NMI: variants seen among roughly 807,000 people sequenced by gnomAD.
NMI encodes the protein N-myc and STAT interactor, also known as N-myc-interactor.
NMI carries 39 observed loss-of-function variants against 34.3 expected under a neutral mutation model. That is an observed-to-expected ratio of 1.14 (90% CI 0.88 to 1.49). The LOEUF (loss-of-function observed/expected upper bound fraction) is 1.49, where lower values mean the gene tolerates loss of function less well. Ranked by LOEUF, NMI falls within the 40% of genes most tolerant of loss-of-function variation. The pLI is 0.00. For synonymous variants in NMI, 113 were observed against 120.3 expected (o/e 0.94, Z 0.40); for missense variants, 339 against 358.1 (o/e 0.95, Z 0.43).
chr2:151,279,344 C>A (rs289830), intron 3 of NMI, among the ~76,000 whole-genome samples: 24,348 of 152,058 alleles, frequency 0.16, 2,419 homozygotes, highest in African/African-American at 0.27. Flanking sequence ...AATAGACTAT[C>A]TCAAAAGGAA....
At chr2:151,281,452 G>A (rs745827752) in intron 3 of NMI, among the ~76,000 whole-genome samples, 4 of 152,132 alleles carry the variant, frequency 2.6e-5, no homozygotes, top group Non-Finnish European at 5.9e-5. Context: ...AAAAATGCAT[G>A]TATCATTAAG....
At chr2:151,275,141 C>T (rs902856336) in intron 6 of NMI, among the ~76,000 whole-genome samples, 59 of 152,186 alleles carry the variant, frequency 3.9e-4, no homozygotes, top group African/African-American at 1.3e-3. Context: ...TGCCACCATG[C>T]CTGGCTAATT....
At chr2:151,279,681 A>AC (rs1055804427) in intron 3 of NMI, among the ~76,000 whole-genome samples, 3 of 152,018 alleles carry the variant, frequency 2.0e-5, no homozygotes, top group Non-Finnish European at 4.4e-5. Flanking sequence ...ACAGGGTTTC[A>AC]CCACGTTGGC....
intron 1 of NMI, among the ~76,000 whole-genome samples, chr2:151,284,442 G>T (rs1683460254): frequency 6.6e-6 from 1 of 152,162 alleles, no homozygotes; most frequent in South Asian, 2.1e-4. Flanking sequence ...GGGACTACAG[G>T]TATGTGCCAC....
rs535353680 is a variant in NMI at position 151,288,626 on chromosome 2, G to A, written c.-7+967C>T. Among the ~76,000 whole-genome samples, 196 of 152,184 alleles carry A rather than the reference G, an allele frequency of 1.3e-3. 1 individual carries two copies. Among genetic ancestry groups the A allele is most frequent in the African/African-American group, 4.6e-3 (190 of 41,514 alleles). On this transcript the variant is annotated intron_variant, in intron 1 of 7. Coordinates refer to ENST00000243346, the MANE Select transcript of NMI (RefSeq NM_004688.3). ...GTTCCTATGTGTTTAAGCCACTAAAGCCATGTAATTTGTTATGGCAGCGAA... is the reference window on the plus strand; with the variant it reads ...GTTCCTATGTGTTTAAGCCACTAAAACCATGTAATTTGTTATGGCAGCGAA...
intron 6 of NMI, among the ~76,000 whole-genome samples, chr2:151,272,731 A>G (rs1683209591): frequency 6.6e-6 from 1 of 152,224 alleles, no homozygotes; most frequent in Non-Finnish European, 1.5e-5. Context: ...ACACACACAC[A>G]CAGAGAATAT....
At chr2:151,271,273 G>A (rs898392735) in intron 7 of NMI, among the ~76,000 whole-genome samples, 6 of 152,148 alleles carry the variant, frequency 3.9e-5, no homozygotes, top group Non-Finnish European at 8.8e-5. Context: ...AAAGGGAGCA[G>A]GTCTGGGGTA....
chr2:151,287,444 T>C (rs1293318171), intron 1 of NMI, among the ~76,000 whole-genome samples: 1 of 152,074 alleles, frequency 6.6e-6, no homozygotes, highest in Non-Finnish European at 1.5e-5. Context: ...TCCAACTCAC[T>C]TTCCCGTCCT....
chr2:151,279,776 C>A lies in NMI; in HGVS notation c.178-786G>T, dbSNP rs115959965. On this transcript the variant is annotated intron_variant, in intron 3 of 7. Transcript: ENST00000243346. ...CAGGCGTGAGCCACCACACCTGGCC[C>A]AGAATTAGATGATGTTAAATTTATC... 3.9e-3 allele frequency among the ~76,000 whole-genome samples: 590 copies of A among 152,172 alleles called. 4 individuals carry two copies. The highest frequency in any genetic ancestry group is 0.014 in the African/African-American group (565 of 41,514).
chr2:151,289,277 G>C (rs755228887), intron 1 of NMI, among the ~76,000 whole-genome samples: 19 of 125,286 alleles, frequency 1.5e-4, no homozygotes, highest in Non-Finnish European at 2.7e-4. Flanking sequence ...AAAAAAAAAA[G>C]AGAGAAAACA....
chr2:151,277,635 G>A (rs4665150), intron 4 of NMI: 66,782 of 152,024 alleles, frequency 0.44, 14,987 homozygotes, highest in Admixed American at 0.54. Context: ...CCAGTCGCCA[G>A]TATGAGTCCT....
At chr2:151,274,041 C>G (rs1243543814) in intron 6 of NMI, among the ~76,000 whole-genome samples, 1 of 151,902 alleles carries the variant, frequency 6.6e-6, no homozygotes, top group Non-Finnish European at 1.5e-5. Flanking sequence ...TCCAAAAGCT[C>G]AGGTCAAAAA....
chr2:151,275,608 T>C lies in NMI; in HGVS notation c.510A>G (p.Glu170=). 3 of 1,614,208 alleles carry C rather than the reference T, an allele frequency of 1.9e-6. No individual in the cohort carries two copies. Among genetic ancestry groups the C allele is most frequent in the Non-Finnish European group, 2.5e-6 (3 of 1,180,008 alleles). Reference sequence around the variant, plus strand: ...GCTCTAGTTTGTCTCTCATTTGATCTTCACGCAATGTGTCAGGAATTTCAG... The same window carrying C: ...GCTCTAGTTTGTCTCTCATTTGATCCTCACGCAATGTGTCAGGAATTTCAG... ...NVTEIPDTLR[E]DQMRDKLELS... Residue 170 remains glutamate (E), a synonymous_variant, in exon 6 of 8, where the codon GAA becomes GAG. Transcript: ENST00000243346.
chr2:151,278,250 A>T (rs1476297046), intron 4 of NMI: 1 of 152,566 alleles, frequency 6.6e-6, no homozygotes, highest in African/African-American at 2.4e-5. Context: ...GATCCTCCCC[A>T]CTCAGGAACC....
intron 4 of NMI, chr2:151,277,266 T>G (rs897470903): frequency 1.3e-5 from 2 of 152,200 alleles, no homozygotes; most frequent in Admixed American, 6.5e-5. Context: ...TGTTTTTGTG[T>G]TTTTTTGCTA....
intron 3 of NMI, among the ~76,000 whole-genome samples, chr2:151,279,657 T>A (rs184679371): frequency 6.6e-6 from 1 of 152,160 alleles, no homozygotes; most frequent in Admixed American, 6.5e-5. Flanking sequence ...CTGTATTTTG[T>A]ATTTTTAGCA....
chr2:151,287,294 T>G (rs1683517408), intron 1 of NMI, among the ~76,000 whole-genome samples: 1 of 147,448 alleles, frequency 6.8e-6, no homozygotes, highest in Non-Finnish European at 1.5e-5. Flanking sequence ...TATATATATT[T>G]AAACCACATC....
At chr2:151,279,038 T>A in intron 3 of NMI, 48 bp from the exon 4 acceptor site, 1 of 1,276,770 alleles carries the variant, frequency 7.8e-7, no homozygotes, top group Non-Finnish European at 1.1e-6. Context: ...AGAAATAACT[T>A]AAGTCCTTCC....
At chr2:151,285,741 AT>A (rs976817726) in intron 1 of NMI, among the ~76,000 whole-genome samples, 2 of 152,186 alleles carry the variant, frequency 1.3e-5, no homozygotes, top group Non-Finnish European at 2.9e-5. Context: ...TTGGTTTCTA[AT>A]ACTATTCTCC....
Sources: allele counts gnomAD v4.1 joint callset (sites outside exome capture counted in the v4.1 genomes callset), GRCh38; gene constraint gnomAD v4.1.1; transcripts MANE v1.5; gene names NCBI Gene and HGNC (gene_info 2026-07-23, HGNC 2026-07-21).